RHBDD1: variants seen among roughly 807,000 people sequenced by gnomAD.
The protein encoded by RHBDD1 is rhomboid domain containing 1, also known as rhomboid-related protein 4.
RHBDD1 carries 38 observed loss-of-function variants against 36.3 expected under a neutral mutation model. The observed-to-expected ratio is 1.05, with a 90% CI of 0.81 to 1.37. The LOEUF (loss-of-function observed/expected upper bound fraction) is 1.37, where lower values mean the gene tolerates loss of function less well. Ranked by LOEUF, RHBDD1 falls within the 40% of genes most tolerant of loss-of-function variation. The probability of loss-of-function intolerance (pLI) is 0.00; values close to 1 mark genes in which losing one functional copy is unlikely to be tolerated. For synonymous variants in RHBDD1, 151 were observed against 136.5 expected, an observed-to-expected ratio of 1.11 and a Z score of -0.74; for missense variants, 393 against 377.6, an observed-to-expected ratio of 1.04 and a Z score of -0.34.
At chr2:226,908,779 G>A (rs1292284284) in intron 6 of RHBDD1, 43 bp from the exon 7 acceptor site, 1 of 1,364,556 alleles carries the variant, frequency 7.3e-7, no homozygotes, top group East Asian at 2.3e-5. Context: ...AGCATTTAAA[G>A]CTTTATGGCT....
intron 3 of RHBDD1, among the ~76,000 whole-genome samples, chr2:226,846,758 A>AG (rs1391835233): frequency 6.6e-6 from 1 of 152,110 alleles, no homozygotes; most frequent in Non-Finnish European, 1.5e-5. Flanking sequence ...AAAAAAAAAA[A>AG]AAAAAAAGGA....
chr2:226,909,939 T>C (rs1948401234), intron 7 of RHBDD1, among the ~76,000 whole-genome samples: 1 of 152,218 alleles, frequency 6.6e-6, no homozygotes, highest in South Asian at 2.1e-4. Flanking sequence ...ACAGATAATA[T>C]TTCAGGCATC....
chr2:226,973,432 C>A (rs1316118018), intron 8 of RHBDD1, among the ~76,000 whole-genome samples: 1 of 152,194 alleles, frequency 6.6e-6, no homozygotes, highest in Non-Finnish European at 1.5e-5. Flanking sequence ...TTTGCCTGTT[C>A]CTTTTTCCAC....
At chr2:226,814,426 C>T in the RHBDD1 span, among the ~76,000 whole-genome samples, 9 of 152,020 alleles carry the variant, frequency 5.9e-5, no homozygotes, top group East Asian at 3.8e-4. Context: ...ACTTTGAATA[C>T]GGATCAAAAG....
At position 226,863,414 on chromosome 2, in the gene RHBDD1, C is replaced by T. The variant is rs138077030; in HGVS notation, c.-90-1190C>T. ...ACAAACACCTAAACCACAGCACTCG[C>T]GAAAGGCAATACCTTCTGTATTAGT... On this transcript the variant is annotated intron_variant, in intron 3 of 8. Transcript: ENST00000392062. Among the ~76,000 whole-genome samples, 487 of 152,296 alleles carry T rather than the reference C, an allele frequency of 3.2e-3. 5 individuals carry two copies. Among genetic ancestry groups the T allele is most frequent in the African/African-American group, 0.011 (463 of 41,566 alleles).
chr2:226,943,453 T>C (rs1461992211), intron 8 of RHBDD1, among the ~76,000 whole-genome samples: 1 of 152,162 alleles, frequency 6.6e-6, no homozygotes, highest in Non-Finnish European at 1.5e-5. Flanking sequence ...CAAAGCCCAG[T>C]AGTTTTTGAT....
At chr2:226,901,995 G>A (rs895327135) in intron 5 of RHBDD1, among the ~76,000 whole-genome samples, 2 of 152,166 alleles carry the variant, frequency 1.3e-5, no homozygotes, top group African/African-American at 4.8e-5. Context: ...CTGTGGTCAT[G>A]GATGTAGAGT....
intron 8 of RHBDD1, among the ~76,000 whole-genome samples, chr2:226,964,185 C>T (rs1952442756): frequency 6.6e-6 from 1 of 152,118 alleles, no homozygotes; most frequent in African/African-American, 2.4e-5. Flanking sequence ...TTCCCCGTTC[C>T]ATTTACATTC....
intron 8 of RHBDD1, among the ~76,000 whole-genome samples, chr2:226,948,564 TAAAAAA>T (rs56325989): frequency 2.5e-4 from 6 of 23,556 alleles, no homozygotes; most frequent in Non-Finnish European, 4.1e-4. Context: ...ACTTAAAGTA[TAAAAAA>T]AAAAAAAAAA....
At chr2:226,956,720 A>T (rs1231788588) in intron 8 of RHBDD1, among the ~76,000 whole-genome samples, 2 of 152,190 alleles carry the variant, frequency 1.3e-5, no homozygotes, top group Non-Finnish European at 2.9e-5. Context: ...CGTTAGGACA[A>T]ATGACAAAAG....
intron 3 of RHBDD1, among the ~76,000 whole-genome samples, chr2:226,858,907 A>G (rs539551539): frequency 6.6e-6 from 1 of 152,150 alleles, no homozygotes; most frequent in Non-Finnish European, 1.5e-5. Context: ...TTTTTTGTCA[A>G]ATAGTTCTGG....
At chr2:226,838,455 A>G (rs1941242998) in intron 2 of RHBDD1, among the ~76,000 whole-genome samples, 1 of 152,166 alleles carries the variant, frequency 6.6e-6, no homozygotes, top group Non-Finnish European at 1.5e-5. Flanking sequence ...CTACTTAGTG[A>G]TTGTGTACAT....
At chr2:226,933,301 G>A (rs1192876296) in intron 8 of RHBDD1, among the ~76,000 whole-genome samples, 1 of 152,106 alleles carries the variant, frequency 6.6e-6, no homozygotes, top group African/African-American at 2.4e-5. Context: ...AAGGATCTGG[G>A]CAGCCTTTCA....
intron 8 of RHBDD1, among the ~76,000 whole-genome samples, chr2:226,964,178 C>T (rs898492520): frequency 3.3e-5 from 5 of 152,088 alleles, no homozygotes; most frequent in Admixed American, 6.5e-5. Flanking sequence ...ACCATCCTTC[C>T]CCGTTCCATT....
the RHBDD1 span, among the ~76,000 whole-genome samples, chr2:226,800,924 C>T: frequency 6.6e-6 from 1 of 152,220 alleles, no homozygotes; most frequent in African/African-American, 2.4e-5. Flanking sequence ...TCAGGGTCAC[C>T]TTGCGGTATC....
chr2:226,973,773 C>T (rs1954028330), intron 8 of RHBDD1, among the ~76,000 whole-genome samples: 1 of 152,226 alleles, frequency 6.6e-6, no homozygotes, highest in South Asian at 2.1e-4. Context: ...GCCTCCTTCA[C>T]TAGCAGAAGT....
chr2:226,839,102 T>A (rs910815687), intron 2 of RHBDD1, among the ~76,000 whole-genome samples: 1 of 152,216 alleles, frequency 6.6e-6, no homozygotes, highest in Non-Finnish European at 1.5e-5. Context: ...TTACATTTTT[T>A]AATAAGGGAT....
At chr2:226,813,647 T>C in the RHBDD1 span, among the ~76,000 whole-genome samples, 1 of 152,258 alleles carries the variant, frequency 6.6e-6, no homozygotes, top group Non-Finnish European at 1.5e-5. Flanking sequence ...GTGCCTTTCA[T>C]GCTTCAAGTA....
intron 3 of RHBDD1, among the ~76,000 whole-genome samples, chr2:226,856,930 T>C (rs746334381): frequency 6.6e-5 from 10 of 152,272 alleles, no homozygotes; most frequent in Non-Finnish European, 1.2e-4. Context: ...TATTTTGCCA[T>C]TGAAGTACAT....
Sources: allele counts gnomAD v4.1 joint callset (sites outside exome capture counted in the v4.1 genomes callset), GRCh38; gene constraint gnomAD v4.1.1; transcripts MANE v1.5; gene names NCBI Gene and HGNC (gene_info 2026-07-23, HGNC 2026-07-21).